The following PDLIM5 variants were observed in gnomAD, a reference collection of about 807,000 sequenced individuals.
PDLIM5 encodes PDZ and LIM domain 5.
Under a neutral mutation model 64.2 loss-of-function variants are expected in PDLIM5, and 34 were observed. The ratio of observed to expected loss-of-function variants is 0.53; its 90% CI spans 0.40 to 0.71. The LOEUF (loss-of-function observed/expected upper bound fraction) is 0.71. PDLIM5 is among the 30% of genes least tolerant of loss of function. The pLI is 0.00. For missense variants in PDLIM5, 683 were observed against 733.6 expected (o/e 0.93, Z 0.80); for synonymous variants, 253 against 269.1 (o/e 0.94, Z 0.59).
chr4:94,575,956 G>T lies in PDLIM5; in HGVS notation c.632G>T (p.Ser211Ile). ...VNVPRQPTVT[S>I]VCSETSQELA... is the part of the protein sequence containing the mutation. ...GTCCCACGGCAGCCCACAGTCACCA[G>T]CGTGTGTTCCGAGACTTCTCAGGAG... Residue 211 changes from serine (S) to isoleucine (I), a missense_variant, in exon 5 of 13, where the codon AGC becomes ATC. Physicochemically the swap from Ser to Ile is moderately radical, Grantham distance 142. Coordinates refer to ENST00000317968, the MANE Select transcript of PDLIM5 (RefSeq NM_006457.5). 6.2e-7 allele frequency: 1 copy of T among 1,614,198 alleles called. No individual in the cohort carries two copies. The highest frequency in any genetic ancestry group is 8.5e-7 in the Non-Finnish European group (1 of 1,180,020).
rs1738310282 is a variant in PDLIM5, at chr4:94,610,919, C to CTT, written c.921-7083_921-7082dup. The stretch of plus-strand genomic sequence containing the variant: ...CTTCTTTTTATCTTCTTTCATCCTC[C>CTT]TTTGCTGCTTTGTGCTTCCCCTCCT... On this transcript the variant is annotated intron_variant, in intron 7 of 12. Transcript: ENST00000317968. 3.0e-5 allele frequency: 17 copies of CTT among 574,578 alleles called. No individual in the cohort carries two copies. The South Asian group carries it at 3.2e-4, about 11-fold the overall frequency. 35.6% of individuals were successfully genotyped at this position (574,578 alleles called of 1,614,324 possible).
Position 94,558,537 on chromosome 4 carries a change from A to G in PDLIM5, c.249-14814A>G, listed in dbSNP as rs1733560935. ...ACTATATTAAAGTCTGTCTTGAGGT[A>G]TCCTAAGGTGGTGTTACAGCAGCCC... On this transcript the variant is annotated intron_variant, in intron 3 of 12. Transcript: ENST00000317968. Among the ~76,000 whole-genome samples the G allele has an allele frequency of 1.3e-5, 2 of 152,188 alleles. 1 individual carries two copies. The highest frequency in any genetic ancestry group is 4.1e-4 in the South Asian group (2 of 4,830).
intron 7 of PDLIM5, among the ~76,000 whole-genome samples, chr4:94,617,161 A>C (rs1738846196): frequency 6.6e-6 from 1 of 152,260 alleles, no homozygotes; most frequent in South Asian, 2.1e-4. Context: ...ATATCATACC[A>C]AAGCATATAT....
At chr4:94,485,530 C>A (rs1726235530) in intron 2 of PDLIM5, among the ~76,000 whole-genome samples, 1 of 152,054 alleles carries the variant, frequency 6.6e-6, no homozygotes, top group Non-Finnish European at 1.5e-5. Context: ...AGTTCATAAA[C>A]CTTATCCATA....
At chr4:94,542,856 C>A (rs867788637) in intron 3 of PDLIM5, among the ~76,000 whole-genome samples, 6 of 151,934 alleles carry the variant, frequency 3.9e-5, no homozygotes, top group African/African-American at 1.5e-4. Flanking sequence ...AAAATTGTTT[C>A]CTAAAAACAA....
At chr4:94,456,856 TTTAA>T (rs1723417307) in intron 2 of PDLIM5, 2 of 1,097,064 alleles carry the variant, frequency 1.8e-6, no homozygotes, top group Non-Finnish European at 1.1e-6. Flanking sequence ...CATCATCTCA[TTTAA>T]TTATCATACC....
At position 94,665,871 on chromosome 4, in the gene PDLIM5, G is replaced by T; in HGVS notation, c.*1804G>T. 7.1e-7 allele frequency: 1 copy of T among 1,413,236 alleles called. No individual in the cohort carries two copies. The highest frequency in any genetic ancestry group is 1.5e-5 in the African/African-American group (1 of 68,928). The allele number at this position is 1,413,236 out of a possible 1,614,324, so 87.5% of individuals were successfully genotyped here. On this transcript the variant is annotated 3_prime_UTR_variant, in exon 13 of 13. Coordinates refer to ENST00000317968, the MANE Select transcript of PDLIM5 (RefSeq NM_006457.5). ...GAGGGGAGTTTAATTACTCAGATTG[G>T]CCTGTTATTTGATTTCCTCCTTTGG...
At chr4:94,514,926 T>G (rs1268983778) in intron 2 of PDLIM5, among the ~76,000 whole-genome samples, 1 of 152,230 alleles carries the variant, frequency 6.6e-6, no homozygotes, top group Admixed American at 6.5e-5. Context: ...ATGTGCATAC[T>G]TTTTAAGAAA....
At chr4:94,496,068 A>C (rs1047835627) in intron 2 of PDLIM5, among the ~76,000 whole-genome samples, 11 of 151,764 alleles carry the variant, frequency 7.2e-5, no homozygotes, top group Admixed American at 3.9e-4. Context: ...AAAAAAAAAA[A>C]CCAAAAAACA....
intron 9 of PDLIM5, among the ~76,000 whole-genome samples, chr4:94,648,500 A>C (rs1345886134): frequency 6.6e-6 from 1 of 152,146 alleles, no homozygotes; most frequent in Admixed American, 6.5e-5. Context: ...TTGTATTTTT[A>C]GTAGAGACAG....
chr4:94,481,804 T>C (rs948769964), intron 2 of PDLIM5, among the ~76,000 whole-genome samples: 1 of 151,864 alleles, frequency 6.6e-6, no homozygotes, highest in East Asian at 1.9e-4. Flanking sequence ...AGAGATGGGG[T>C]TTCACCGTGT....
chr4:94,576,772 G>A (rs867777020), intron 5 of PDLIM5, among the ~76,000 whole-genome samples: 1 of 152,022 alleles, frequency 6.6e-6, no homozygotes, highest in Non-Finnish European at 1.5e-5. Context: ...CCTTTTGGGG[G>A]TATCTTTTTA....
At chr4:94,655,299 A>G (rs1053312227) in intron 10 of PDLIM5, among the ~76,000 whole-genome samples, 3 of 152,168 alleles carry the variant, frequency 2.0e-5, no homozygotes, top group Non-Finnish European at 2.9e-5. Flanking sequence ...CTAGTTTCCA[A>G]TGATAAAGTA....
At chr4:94,628,196 T>G (rs1739854297) in intron 8 of PDLIM5, among the ~76,000 whole-genome samples, 1 of 152,176 alleles carries the variant, frequency 6.6e-6, no homozygotes, top group African/African-American at 2.4e-5. Context: ...ATGATGACAT[T>G]TCTAACATCA....
chr4:94,590,008 C>G (rs1009657034), intron 7 of PDLIM5, among the ~76,000 whole-genome samples: 1 of 152,038 alleles, frequency 6.6e-6, no homozygotes, highest in African/African-American at 2.4e-5. Flanking sequence ...AACTCCTGAC[C>G]TCCAGTTATC....
chr4:94,527,872 T>TGG (rs1257839149), intron 3 of PDLIM5, among the ~76,000 whole-genome samples: 1 of 152,178 alleles, frequency 6.6e-6, no homozygotes, highest in African/African-American at 2.4e-5. Flanking sequence ...CTTATATTGC[T>TGG]TCCAAAGAAA....
At chr4:94,517,529 A>G (rs1338695074) in intron 2 of PDLIM5, among the ~76,000 whole-genome samples, 1 of 152,252 alleles carries the variant, frequency 6.6e-6, no homozygotes, top group African/African-American at 2.4e-5. Context: ...TAATTTTATT[A>G]GCATAATTCT....
At chr4:94,512,025 AT>A (rs879520279) in intron 2 of PDLIM5, among the ~76,000 whole-genome samples, 234 of 141,976 alleles carry the variant, frequency 1.6e-3, no homozygotes, top group Middle Eastern at 3.7e-3. Flanking sequence ...CAGTGGCTCT[AT>A]TTTTTTTTTT....
At chr4:94,489,816 C>T (rs905984809) in intron 2 of PDLIM5, among the ~76,000 whole-genome samples, 2 of 152,194 alleles carry the variant, frequency 1.3e-5, no homozygotes, top group East Asian at 3.9e-4. Flanking sequence ...TCCAGCCTTC[C>T]TGCTTCCCAT....
Sources: allele counts gnomAD v4.1 joint callset (sites outside exome capture counted in the v4.1 genomes callset), GRCh38; gene constraint gnomAD v4.1.1; transcripts MANE v1.5; gene names NCBI Gene and HGNC (gene_info 2026-07-23, HGNC 2026-07-21).